Variants in B3GALT1 observed in about 807,000 individuals in gnomAD.
B3GALT1 encodes UDP-Gal:betaGlcNAc beta 1,3-galactosyltransferase, polypeptide 1.
Under a neutral mutation model 23.2 loss-of-function variants are expected in B3GALT1, and 10 were observed. The observed-to-expected ratio is 0.43, with a 90% confidence interval of 0.27 to 0.73. The LOEUF (loss-of-function observed/expected upper bound fraction) is 0.73. Ranked by LOEUF, B3GALT1 falls within the 30% of genes least tolerant of loss-of-function variation. B3GALT1 has a pLI of 0.21. For synonymous variants in B3GALT1, 156 were observed against 141.5 expected (o/e 1.10, Z -0.73); for missense variants, 299 against 405.4 (o/e 0.74, Z 2.25).
At chr2:167,470,703 C>T (rs904813781) in intron 1 of B3GALT1, among the ~76,000 whole-genome samples, 6 of 152,064 alleles carry the variant, frequency 3.9e-5, no homozygotes, top group African/African-American at 1.4e-4. Context: ...GATCCATTCA[C>T]TCTGTTTAAA....
chr2:167,507,851 G>A (rs1699944753), intron 2 of B3GALT1, among the ~76,000 whole-genome samples: 1 of 152,166 alleles, frequency 6.6e-6, no homozygotes, highest in Non-Finnish European at 1.5e-5. Flanking sequence ...TGTACTTAGT[G>A]AATGTCTTAG....
intron 1 of B3GALT1, among the ~76,000 whole-genome samples, chr2:167,477,584 G>A (rs775907502): frequency 1.5e-4 from 23 of 152,226 alleles, no homozygotes; most frequent in African/African-American, 3.4e-4. Flanking sequence ...AGTTTTATCC[G>A]GATTGTAAGT....
intron 1 of B3GALT1, among the ~76,000 whole-genome samples, chr2:167,428,690 A>T (rs1239595530): frequency 6.6e-6 from 1 of 151,962 alleles, no homozygotes; most frequent in East Asian, 1.9e-4. Flanking sequence ...AAAAAAGTGG[A>T]CATGATCCAG....
At chr2:167,542,508 T>C (rs1683549368) in intron 2 of B3GALT1, among the ~76,000 whole-genome samples, 1 of 152,168 alleles carries the variant, frequency 6.6e-6, no homozygotes, top group African/African-American at 2.4e-5. Context: ...AGACAAAATA[T>C]ATATTATGAT....
chr2:167,702,169 A>T (rs1686890862), intron 3 of B3GALT1, among the ~76,000 whole-genome samples: 1 of 152,186 alleles, frequency 6.6e-6, no homozygotes, highest in Non-Finnish European at 1.5e-5. Flanking sequence ...AGGAACTCTT[A>T]TCCCACTCAG....
intron 3 of B3GALT1, among the ~76,000 whole-genome samples, chr2:167,733,485 T>C (rs1009597906): frequency 7.2e-5 from 11 of 152,162 alleles, no homozygotes; most frequent in Non-Finnish European, 1.3e-4. Context: ...CAATTCTTCT[T>C]CTTCCAGGGT....
intron 1 of B3GALT1, among the ~76,000 whole-genome samples, chr2:167,446,536 C>G (rs1440922032): frequency 6.6e-6 from 1 of 152,130 alleles, no homozygotes; most frequent in African/African-American, 2.4e-5. Flanking sequence ...CACATGGTCC[C>G]ATATTTCTTG....
At chr2:167,462,392 C>T (rs1286330432) in intron 1 of B3GALT1, among the ~76,000 whole-genome samples, 1 of 152,162 alleles carries the variant, frequency 6.6e-6, no homozygotes, top group Non-Finnish European at 1.5e-5. Flanking sequence ...GTCCTTACTG[C>T]TGACTCAAAA....
chr2:167,853,630 G>A (rs928297980), intron 4 of B3GALT1, among the ~76,000 whole-genome samples: 1 of 152,088 alleles, frequency 6.6e-6, no homozygotes, highest in Non-Finnish European at 1.5e-5. Flanking sequence ...GCAAACAAAA[G>A]CATAGTGGTT....
At position 167,704,011 on chromosome 2, in the gene B3GALT1, C is replaced by G. The variant is rs574248533; in HGVS notation, c.-352+57045C>G. On this transcript the variant is annotated intron_variant, in intron 3 of 4. Transcript: ENST00000392690. ...CCTGGCTAACACGGTGAAACCCCGT[C>G]TCTACTAAAAATACAAAAAATTAGC... Among the ~76,000 whole-genome samples the G allele has an allele frequency of 2.7e-3, 408 of 152,012 alleles. 1 individual carries two copies. The highest frequency in any genetic ancestry group is 9.0e-3 in the African/African-American group (373 of 41,484).
At chr2:167,625,121 T>C (rs1006910990) in intron 2 of B3GALT1, among the ~76,000 whole-genome samples, 1 of 151,888 alleles carries the variant, frequency 6.6e-6, no homozygotes, top group South Asian at 2.1e-4. Flanking sequence ...CAGAAAAAAA[T>C]TGGAGTTCTA....
chr2:167,703,252 T>C (rs1479399547), intron 3 of B3GALT1, among the ~76,000 whole-genome samples: 1 of 152,200 alleles, frequency 6.6e-6, no homozygotes, highest in Non-Finnish European at 1.5e-5. Flanking sequence ...CTGGTTGTCA[T>C]ACATGAACAG....
intron 1 of B3GALT1, among the ~76,000 whole-genome samples, chr2:167,299,042 TATC>T (rs1179481739): frequency 6.6e-6 from 1 of 152,176 alleles, no homozygotes; most frequent in East Asian, 1.9e-4. Flanking sequence ...TGAAGAGACA[TATC>T]ATTCTCCTAA....
chr2:167,858,575 G>A (rs1423069873), intron 4 of B3GALT1, among the ~76,000 whole-genome samples: 1 of 151,912 alleles, frequency 6.6e-6, no homozygotes, highest in African/African-American at 2.4e-5. Flanking sequence ...GCAAAGTCTG[G>A]CCAGACATTA....
intron 2 of B3GALT1, among the ~76,000 whole-genome samples, chr2:167,595,600 C>T (rs73013384): frequency 1.3e-5 from 2 of 152,140 alleles, no homozygotes. Context: ...AGTACCATGG[C>T]AACCCCTAAC....
intron 2 of B3GALT1, among the ~76,000 whole-genome samples, chr2:167,640,448 T>TAA (rs892241735): frequency 1.3e-5 from 2 of 152,140 alleles, no homozygotes; most frequent in African/African-American, 4.8e-5. Context: ...TTTTTTCTCT[T>TAA]ACGGCTTTTA....
At chr2:167,470,248 G>A (rs910221330) in intron 1 of B3GALT1, among the ~76,000 whole-genome samples, 1 of 152,082 alleles carries the variant, frequency 6.6e-6, no homozygotes, top group Non-Finnish European at 1.5e-5. Flanking sequence ...CCCAAGAATG[G>A]TCCCAGTAAT....
intron 3 of B3GALT1, among the ~76,000 whole-genome samples, chr2:167,752,600 C>A (rs868187146): frequency 2.0e-5 from 3 of 148,402 alleles, no homozygotes; most frequent in Admixed American, 6.8e-5. Flanking sequence ...CCCCACACCC[C>A]CCTTCCCCGC....
Position 167,440,125 on chromosome 2 carries a change from C to T in B3GALT1, c.-510-50052C>T, listed in dbSNP as rs1156856046. Among the ~76,000 whole-genome samples, 4 of 151,654 alleles carry T rather than the reference C, an allele frequency of 2.6e-5. No homozygotes were observed. In the East Asian group the frequency reaches 7.7e-4, roughly 29 times the overall value. ...TTGGGAGGCCGAGGCGGGCGGATCA[C>T]GAGGTCAGGAGATCAAGACCATCCT... is the stretch of plus-strand genomic sequence containing the variant. On this transcript the variant is annotated intron_variant, in intron 1 of 4. Coordinates refer to ENST00000392690, the MANE Select transcript of B3GALT1 (RefSeq NM_020981.4).
Sources: allele counts gnomAD v4.1 joint callset (sites outside exome capture counted in the v4.1 genomes callset), GRCh38; gene constraint gnomAD v4.1.1; transcripts MANE v1.5; gene names NCBI Gene and HGNC (gene_info 2026-07-23, HGNC 2026-07-21).